The following TNIK variants were observed in gnomAD, a reference collection of about 807,000 sequenced individuals.
TNIK encodes the protein TRAF2 and NCK-interacting protein kinase.
In TNIK, 49 loss-of-function variants were observed where a neutral mutation model predicts 191.3. The observed-to-expected ratio is 0.26, with a 90% CI of 0.20 to 0.32. TNIK has a LOEUF of 0.32. TNIK is among the 10% of genes least tolerant of loss of function. The pLI is 1.00. For synonymous variants in TNIK, 594 were observed against 600.9 expected (o/e 0.99, Z 0.17); for missense variants, 1,155 against 1,702.3 (o/e 0.68, Z 5.66).
At chr3:171,359,659 C>T (rs529761432) in intron 2 of TNIK, among the ~76,000 whole-genome samples, 16 of 152,002 alleles carry the variant, frequency 1.1e-4, no homozygotes, top group Non-Finnish European at 2.1e-4. Context: ...ATTTGCTTGC[C>T]GAACAGCAGA....
At chr3:171,212,218 C>T (rs1740919675) in intron 3 of TNIK, among the ~76,000 whole-genome samples, 1 of 152,106 alleles carries the variant, frequency 6.6e-6, no homozygotes, top group Non-Finnish European at 1.5e-5. Flanking sequence ...TCCAGTGTCT[C>T]TGCATTACTG....
chr3:171,347,124 TG>T (rs1712334445), intron 2 of TNIK: 1 of 1,506,446 alleles, frequency 6.6e-7, no homozygotes, highest in Non-Finnish European at 8.8e-7. Context: ...TAGGATCAGC[TG>T]GGCTTGGTGA....
chr3:171,369,489 T>A, intron 2 of TNIK, 131 bp downstream of exon 2: 1 of 566,514 alleles, frequency 1.8e-6, no homozygotes, highest in South Asian at 3.6e-5. Context: ...AGATGGAGAG[T>A]CAATCAACAA....
At chr3:171,350,181 A>G (rs1215501635) in intron 2 of TNIK, among the ~76,000 whole-genome samples, 2 of 152,194 alleles carry the variant, frequency 1.3e-5, no homozygotes, top group East Asian at 3.8e-4. Flanking sequence ...AAAATATTGC[A>G]GCTAATAAGC....
At chr3:171,361,118 G>A (rs979901333) in intron 2 of TNIK, among the ~76,000 whole-genome samples, 2 of 145,120 alleles carry the variant, frequency 1.4e-5, no homozygotes, top group African/African-American at 5.7e-5. Flanking sequence ...ACTACAGACA[G>A]CCTCAGCCCA....
intron 10 of TNIK, among the ~76,000 whole-genome samples, chr3:171,162,380 C>T (rs895157272): frequency 6.6e-6 from 1 of 152,106 alleles, no homozygotes; most frequent in Non-Finnish European, 1.5e-5. Context: ...GCCAAGATCG[C>T]ACCACTGCAC....
intron 12 of TNIK, among the ~76,000 whole-genome samples, chr3:171,149,227 G>A (rs1377630527): frequency 6.6e-6 from 1 of 152,172 alleles, no homozygotes; most frequent in Non-Finnish European, 1.5e-5. Flanking sequence ...ACAACGGAGG[G>A]TAGGTCTGTG....
chr3:171,285,428 G>T (rs1750905551), intron 2 of TNIK, among the ~76,000 whole-genome samples: 1 of 151,704 alleles, frequency 6.6e-6, no homozygotes, highest in Non-Finnish European at 1.5e-5. Context: ...GTGTAGAGGT[G>T]GTGTGGTAGA....
intron 15 of TNIK, among the ~76,000 whole-genome samples, chr3:171,131,898 G>C (rs945603064): frequency 6.6e-6 from 1 of 152,172 alleles, no homozygotes; most frequent in African/African-American, 2.4e-5. Context: ...CTAGACAAAG[G>C]CCTGTTCCCT....
intron 1 of TNIK, among the ~76,000 whole-genome samples, chr3:171,443,642 C>A (rs1048214997): frequency 6.0e-5 from 9 of 150,852 alleles, no homozygotes; most frequent in Admixed American, 5.3e-4. Context: ...CATAGGGAGA[C>A]CCCCCATCTC....
chr3:171,208,262 A>C (rs1740344506), intron 4 of TNIK, among the ~76,000 whole-genome samples: 2 of 152,198 alleles, frequency 1.3e-5, no homozygotes, highest in African/African-American at 4.8e-5. Flanking sequence ...TTACGGCTAC[A>C]GTGAGCTATC....
intron 4 of TNIK, among the ~76,000 whole-genome samples, chr3:171,206,092 CTTAT>C (rs886846271): frequency 2.2e-4 from 33 of 152,042 alleles, no homozygotes; most frequent in African/African-American, 7.2e-4. Flanking sequence ...CTGTAATTGT[CTTAT>C]TTATTATGTT....
intron 1 of TNIK, among the ~76,000 whole-genome samples, chr3:171,417,940 C>T (rs1272836039): frequency 6.6e-6 from 1 of 152,144 alleles, no homozygotes; most frequent in Non-Finnish European, 1.5e-5. Context: ...AGCCTCATTC[C>T]GAAGAACTGC....
chr3:171,149,044 A>G (rs1334531654), intron 12 of TNIK, among the ~76,000 whole-genome samples: 1 of 152,230 alleles, frequency 6.6e-6, no homozygotes, highest in Admixed American at 6.5e-5. Context: ...ACCACTTACT[A>G]AAGAAAACAA....
intron 32 of TNIK, among the ~76,000 whole-genome samples, 159 bp downstream of exon 32, chr3:171,066,028 G>A (rs79462186): frequency 6.6e-6 from 1 of 152,262 alleles, no homozygotes; most frequent in Non-Finnish European, 1.5e-5. Context: ...AATATATTGA[G>A]TGCTCACATG....
At chr3:171,188,516 CAGA>C (rs1737642864) in intron 7 of TNIK, among the ~76,000 whole-genome samples, 183 bp downstream of exon 7, 1 of 152,074 alleles carries the variant, frequency 6.6e-6, no homozygotes. Flanking sequence ...AACAGGCCAT[CAGA>C]TAAGATGGGT....
chr3:171,379,170 A>G (rs2108514403), intron 1 of TNIK, among the ~76,000 whole-genome samples: 1 of 152,284 alleles, frequency 6.6e-6, no homozygotes, highest in Admixed American at 6.5e-5. Context: ...GATAAATAAT[A>G]TTTTCAAAAT....
At chr3:171,367,663 G>GT (rs370855111) in intron 2 of TNIK, among the ~76,000 whole-genome samples, 19 of 152,198 alleles carry the variant, frequency 1.2e-4, no homozygotes, top group African/African-American at 4.6e-4. Flanking sequence ...TAGAGACAGG[G>GT]TTGCATCATG....
At chr3:171,412,663 G>A (rs539722434) in intron 1 of TNIK, among the ~76,000 whole-genome samples, 28 of 152,148 alleles carry the variant, frequency 1.8e-4, no homozygotes, top group Non-Finnish European at 4.1e-4. Context: ...ACCACACAAA[G>A]TATAGAAGAA....
Sources: gnomAD v4.1 joint callset for allele counts (sites outside exome capture counted in the v4.1 genomes callset) on GRCh38, gnomAD v4.1.1 for gene constraint, MANE v1.5 for transcripts, NCBI Gene and HGNC (gene_info 2026-07-23, HGNC 2026-07-21) for gene names.